BPIFA2: variants seen among roughly 807,000 people sequenced by gnomAD.
The protein encoded by BPIFA2 is BPI fold-containing family A member 2.
A neutral mutation model predicts 25.7 loss-of-function variants in BPIFA2; 20 were observed. The ratio of observed to expected loss-of-function variants is 0.78; its 90% CI spans 0.55 to 1.13. The LOEUF (loss-of-function observed/expected upper bound fraction) is 1.13, where lower values mean the gene tolerates loss of function less well. BPIFA2 is among the 50% of genes most tolerant of loss of function. The pLI is 0.00. For missense variants in BPIFA2, 300 were observed against 298.1 expected (o/e 1.01, Z -0.05); for synonymous variants, 126 against 124.3 (o/e 1.01, Z -0.09).
intron 1 of BPIFA2, among the ~76,000 whole-genome samples, chr20:33,162,687 C>A (rs1983615643): frequency 6.6e-6 from 1 of 152,200 alleles, no homozygotes; most frequent in African/African-American, 2.4e-5. Context: ...TGCCACCATT[C>A]CAGAGTCACA....
At chr20:33,176,913 C>T (rs1984098337) in intron 5 of BPIFA2, among the ~76,000 whole-genome samples, 1 of 152,210 alleles carries the variant, frequency 6.6e-6, no homozygotes, top group Non-Finnish European at 1.5e-5. Flanking sequence ...TCTCACTCCA[C>T]TTTGATGGAC....
At chr20:33,176,678 C>G (rs568213711) in intron 5 of BPIFA2, among the ~76,000 whole-genome samples, 1 of 152,212 alleles carries the variant, frequency 6.6e-6, no homozygotes, top group African/African-American at 2.4e-5. Context: ...GCTCCAGATC[C>G]TCCCAGGGTC....
chr20:33,179,794 C>A, intron 7 of BPIFA2, 127 bp downstream of exon 7: 2 of 960,148 alleles, frequency 2.1e-6, no homozygotes, highest in Non-Finnish European at 3.3e-6. Flanking sequence ...AATTGGGAGC[C>A]ATGGCTTCCC....
upstream of BPIFA2, among the ~76,000 whole-genome samples, chr20:33,167,682 C>CACTGTG (rs11471648): frequency 3.3e-5 from 5 of 152,178 alleles, no homozygotes; most frequent in Admixed American, 1.3e-4. Flanking sequence ...GGGGGCAGGA[C>CACTGTG]CCCTGGGAGG....
upstream of BPIFA2, among the ~76,000 whole-genome samples, chr20:33,166,454 G>C (rs562861661): frequency 6.6e-6 from 1 of 152,168 alleles, no homozygotes; most frequent in African/African-American, 2.4e-5. Flanking sequence ...TGCTGTTGCC[G>C]TGCATCATGG....
Position 33,169,309 on chromosome 20 carries a change from C to T in BPIFA2, c.157+7C>T. ...GTTGACAATACTCTTAAAGGTAAAT[C>T]AACAAGGGTGATGAACAGTGTCACC... On this transcript the variant is annotated splice_region_variant and intron_variant, in intron 2 of 8. Coordinates refer to ENST00000354932, the MANE Select transcript of BPIFA2 (RefSeq NM_080574.4). 6.2e-7 allele frequency: 1 copy of T among 1,613,362 alleles called. No homozygotes were observed. The highest frequency in any genetic ancestry group is 8.5e-7 in the Non-Finnish European group (1 of 1,179,302).
upstream of BPIFA2, among the ~76,000 whole-genome samples, chr20:33,165,661 G>A (rs1341451915): frequency 1.3e-5 from 2 of 152,168 alleles, no homozygotes; most frequent in African/African-American, 4.8e-5. Context: ...CCCCAGCTGG[G>A]GATTAGCAGT....
intron 5 of BPIFA2, among the ~76,000 whole-genome samples, chr20:33,176,940 G>C (rs1984098812): frequency 6.6e-6 from 1 of 152,150 alleles, no homozygotes; most frequent in Non-Finnish European, 1.5e-5. Flanking sequence ...ATCCTTCAGG[G>C]CCTTCCCAGG....
intron 7 of BPIFA2, 119 bp downstream of exon 7, chr20:33,179,786 T>A (rs1984211497): frequency 1.9e-6 from 2 of 1,045,626 alleles, no homozygotes; most frequent in Admixed American, 1.8e-5. Context: ...CCTAAGCAAA[T>A]TGGGAGCCAT....
intron 7 of BPIFA2, 58 bp from the exon 8 acceptor site, chr20:33,180,462 G>C (rs371277521): frequency 6.4e-7 from 1 of 1,559,190 alleles, no homozygotes; most frequent in Non-Finnish European, 8.8e-7. Flanking sequence ...TTGGAGTCTG[G>C]TCTCTATTCA....
In BPIFA2 at chr20:33,179,630, C is replaced by T; in HGVS notation, c.672C>T (p.Ile224=). Residue 224 remains isoleucine, a synonymous_variant, in exon 7 of 9, where the codon ATC becomes ATT. Coordinates refer to ENST00000354932, the MANE Select transcript of BPIFA2 (RefSeq NM_080574.4). ...KEICPLIRIF[I]HSLDVNVIQQ... ...TATGTCCACTGATCCGCATCTTCATCCACTCCCTGGATGTGAATGTCATTC... is the reference window on the plus strand; with the variant it reads ...TATGTCCACTGATCCGCATCTTCATTCACTCCCTGGATGTGAATGTCATTC... 6.2e-7 allele frequency: 1 copy of T among 1,613,050 alleles called. No individual in the cohort carries two copies. Among genetic ancestry groups the T allele is most frequent in the Admixed American group, 1.7e-5 (1 of 60,022 alleles).
chr20:33,174,719 AG>A (rs1476133254), intron 4 of BPIFA2, among the ~76,000 whole-genome samples: 6 of 152,196 alleles, frequency 3.9e-5, no homozygotes, highest in Middle Eastern at 3.4e-3. Context: ...GTGACCAGCC[AG>A]GACAATATGA....
At chr20:33,171,546 A>C (rs1464580137) in intron 2 of BPIFA2, among the ~76,000 whole-genome samples, 3 of 152,220 alleles carry the variant, frequency 2.0e-5, no homozygotes, top group African/African-American at 7.2e-5. Flanking sequence ...TACAAGAAAA[A>C]AACAAACAAC....
chr20:33,176,672 C>T (rs1004181913), intron 5 of BPIFA2, among the ~76,000 whole-genome samples: 1 of 152,216 alleles, frequency 6.6e-6, no homozygotes, highest in Non-Finnish European at 1.5e-5. Flanking sequence ...TCTGAGGCTC[C>T]AGATCCTCCC....
intron 2 of BPIFA2, among the ~76,000 whole-genome samples, chr20:33,170,188 A>G (rs907758436): frequency 2.0e-5 from 3 of 152,236 alleles, no homozygotes; most frequent in Non-Finnish European, 4.4e-5. Flanking sequence ...AGACGTAGTT[A>G]TATCACCAAT....
At chr20:33,175,084 G>A (rs183540657) in intron 4 of BPIFA2, among the ~76,000 whole-genome samples, 17 of 152,264 alleles carry the variant, frequency 1.1e-4, no homozygotes, top group Non-Finnish European at 1.9e-4. Context: ...AATAGGGATA[G>A]TAATAAATGA....
At chr20:33,173,405 G>A (rs532968153) in intron 3 of BPIFA2, among the ~76,000 whole-genome samples, 1 of 152,298 alleles carries the variant, frequency 6.6e-6, no homozygotes, top group East Asian at 1.9e-4. Flanking sequence ...ATATATAACT[G>A]GGGGTAAAAG....
At chr20:33,179,574 C>G in intron 6 of BPIFA2, 30 bp from the exon 7 acceptor site, 1 of 1,569,928 alleles carries the variant, frequency 6.4e-7, no homozygotes, top group Non-Finnish European at 8.8e-7. Context: ...CTACTCCTGA[C>G]CCTCCTCTTC....
chr20:33,173,647 G>A (rs756304629), intron 3 of BPIFA2, among the ~76,000 whole-genome samples: 4 of 152,164 alleles, frequency 2.6e-5, no homozygotes, highest in Non-Finnish European at 4.4e-5. Context: ...TGGGATTAGA[G>A]GCATGCACCA....
Sources: allele counts gnomAD v4.1 joint callset (sites outside exome capture counted in the v4.1 genomes callset), GRCh38; gene constraint gnomAD v4.1.1; transcripts MANE v1.5; gene names NCBI Gene and HGNC (gene_info 2026-07-23, HGNC 2026-07-21).